Variants in CCDC83 observed in about 807,000 individuals in gnomAD.
CCDC83 encodes coiled-coil domain containing 83, also known as coiled-coil domain-containing protein 83.
Under a neutral mutation model 50.1 loss-of-function variants are expected in CCDC83, and 54 were observed. The ratio of observed to expected loss-of-function variants is 1.08; its 90% CI spans 0.87 to 1.35. The LOEUF (loss-of-function observed/expected upper bound fraction) is 1.35, where lower values mean the gene tolerates loss of function less well. CCDC83 is among the 40% of genes most tolerant of loss of function. CCDC83 has a pLI of 0.00. For synonymous variants in CCDC83, 161 were observed against 153.3 expected (o/e 1.05, Z -0.37); for missense variants, 518 against 473.9 (o/e 1.09, Z -0.86).
intron 2 of CCDC83, among the ~76,000 whole-genome samples, chr11:85,867,980 G>A (rs189667067): frequency 0.14 from 21,396 of 152,170 alleles, 1,815 homozygotes; most frequent in Middle Eastern, 0.2. Context: ...ATGACACATA[G>A]CCAAGACATT....
chr11:85,861,624 GCAGAACTGC>G (rs1428956991), intron 1 of CCDC83, among the ~76,000 whole-genome samples: 1 of 152,152 alleles, frequency 6.6e-6, no homozygotes, highest in Non-Finnish European at 1.5e-5. Flanking sequence ...AGGTATTAGG[GCAGAACTGC>G]CATCCCTCCC....
At chr11:85,861,998 TAAAAAAAAAAA>T (rs34372795) in intron 1 of CCDC83, among the ~76,000 whole-genome samples, 3 of 94,816 alleles carry the variant, frequency 3.2e-5, no homozygotes, top group South Asian at 3.6e-4. Context: ...CCTGTCTCAT[TAAAAAAAAAAA>T]AAAAAAAAAA....
chr11:85,880,150 G>A (rs956515495), intron 3 of CCDC83, among the ~76,000 whole-genome samples: 27 of 152,020 alleles, frequency 1.8e-4, no homozygotes, highest in Non-Finnish European at 2.5e-4. Flanking sequence ...CTGACCCAAA[G>A]AAAACTTACT....
At chr11:85,908,459 G>A (rs987185447) in intron 7 of CCDC83, among the ~76,000 whole-genome samples, 1 of 152,074 alleles carries the variant, frequency 6.6e-6, no homozygotes, top group Admixed American at 6.6e-5. Context: ...GCTGAGGCAG[G>A]AGAATCGCTT....
At chr11:85,893,272 T>C (rs2093358320) in intron 5 of CCDC83, among the ~76,000 whole-genome samples, 1 of 152,244 alleles carries the variant, frequency 6.6e-6, no homozygotes, top group South Asian at 2.1e-4. Context: ...TTTTACTTTC[T>C]GCTCTCAGCG....
chr11:85,858,402 T>C (rs921288323), intron 1 of CCDC83, among the ~76,000 whole-genome samples: 1 of 152,206 alleles, frequency 6.6e-6, no homozygotes, highest in Admixed American at 6.5e-5. Context: ...GCCCTTCGCC[T>C]TCCAACTGCT....
intron 10 of CCDC83, 113 bp from the exon 11 acceptor site, chr11:85,919,236 G>C (rs1486529759): frequency 1.1e-6 from 1 of 931,388 alleles, no homozygotes; most frequent in Non-Finnish European, 1.6e-6. Flanking sequence ...GGCAATTAGG[G>C]GGCAATGAAG....
intron 6 of CCDC83, among the ~76,000 whole-genome samples, chr11:85,896,333 C>T (rs1223551329): frequency 2.2e-5 from 3 of 135,344 alleles, no homozygotes; most frequent in Admixed American, 8.7e-5. Flanking sequence ...CCCAGGAGAT[C>T]GAGGCTGTAG....
chr11:85,859,170 A>G (rs1261431780), intron 1 of CCDC83, among the ~76,000 whole-genome samples: 1 of 148,826 alleles, frequency 6.7e-6, no homozygotes, highest in Non-Finnish European at 1.5e-5. Context: ...AAAAAAAAAA[A>G]AAAAAAAAAA....
intron 7 of CCDC83, among the ~76,000 whole-genome samples, chr11:85,907,782 T>G (rs1054424403): frequency 6.6e-6 from 1 of 152,188 alleles, no homozygotes; most frequent in Non-Finnish European, 1.5e-5. Context: ...CGTGATGTCA[T>G]AGGAGAGCCT....
chr11:85,900,480 C>G lies in CCDC83; in HGVS notation c.672+1465C>G, dbSNP rs557292804. ...CTTTGGGATTTGCCAGTTCACACCA[C>G]CTGCCATACCACATACAGTCTCCAG... On this transcript the variant is annotated intron_variant, in intron 7 of 10. Coordinates refer to ENST00000342404, the MANE Select transcript of CCDC83 (RefSeq NM_001286159.2). Among the ~76,000 whole-genome samples the G allele has an allele frequency of 3.9e-5, 6 of 152,296 alleles. No individual in the cohort carries two copies. The South Asian group carries it at 1.2e-3, about 32-fold the overall frequency.
intron 3 of CCDC83, among the ~76,000 whole-genome samples, chr11:85,874,133 G>A (rs2093255961): frequency 6.6e-6 from 1 of 152,176 alleles, no homozygotes; most frequent in Non-Finnish European, 1.5e-5. Flanking sequence ...CTCCCCCATA[G>A]GGCTAATTTA....
At chr11:85,906,078 T>C (rs1284764881) in intron 7 of CCDC83, among the ~76,000 whole-genome samples, 1 of 152,000 alleles carries the variant, frequency 6.6e-6, no homozygotes, top group Admixed American at 6.6e-5. Flanking sequence ...CTCTCTTTTT[T>C]TTTTTGAGAC....
At chr11:85,872,388 G>A (rs1201634479) in intron 2 of CCDC83, among the ~76,000 whole-genome samples, 2 of 152,112 alleles carry the variant, frequency 1.3e-5, no homozygotes, top group East Asian at 1.9e-4. Flanking sequence ...GGGAGGCTGA[G>A]GCAGGACAAT....
chr11:85,900,551 AT>A (rs2093396449), intron 7 of CCDC83, among the ~76,000 whole-genome samples: 2 of 152,154 alleles, frequency 1.3e-5, no homozygotes, highest in Non-Finnish European at 2.9e-5. Context: ...AAACAGTCCT[AT>A]TTACACAGTG....
At chr11:85,866,156 T>G (rs1044628833) in intron 2 of CCDC83, among the ~76,000 whole-genome samples, 1 of 152,222 alleles carries the variant, frequency 6.6e-6, no homozygotes, top group African/African-American at 2.4e-5. Context: ...GAACCTTAGC[T>G]TTTGGCACAA....
chr11:85,911,197 G>T, intron 7 of CCDC83, 84 bp from the exon 8 acceptor site: 105 of 992,288 alleles, frequency 1.1e-4, no homozygotes, highest in Non-Finnish European at 1.3e-4. Context: ...AAAAAAGAAA[G>T]AAAAAAGAAA....
chr11:85,909,710 C>T (rs1048750085), intron 7 of CCDC83, among the ~76,000 whole-genome samples: 2 of 145,474 alleles, frequency 1.4e-5, no homozygotes, highest in Non-Finnish European at 3.0e-5. Context: ...GTGACCTCCA[C>T]TTCCCGGGTT....
chr11:85,884,557 A>C (rs979754582), intron 4 of CCDC83, among the ~76,000 whole-genome samples: 2 of 152,216 alleles, frequency 1.3e-5, no homozygotes, highest in African/African-American at 4.8e-5. Flanking sequence ...CTAAGCATAA[A>C]GGGGATGTTA....
Sources: gnomAD v4.1 joint callset for allele counts (sites outside exome capture counted in the v4.1 genomes callset) on GRCh38, gnomAD v4.1.1 for gene constraint, MANE v1.5 for transcripts, NCBI Gene and HGNC (gene_info 2026-07-23, HGNC 2026-07-21) for gene names.